Variants in AFF2 observed in about 807,000 individuals in gnomAD.
AFF2 encodes the protein AF4/FMR2 family member 2.
Under a neutral mutation model 76.9 loss-of-function variants are expected in AFF2, and 14 were observed. The ratio of observed to expected loss-of-function variants is 0.18; its 90% CI spans 0.12 to 0.28. The LOEUF is 0.28. Among genes scored for constraint, AFF2 ranks in the 10% least tolerant of loss-of-function variants. AFF2 has a pLI of 1.00. For missense variants in AFF2, 868 were observed against 1,001.1 expected, an observed-to-expected ratio of 0.87 and a Z score of 1.79; for synonymous variants, 398 against 366.7, an observed-to-expected ratio of 1.09 and a Z score of -0.98.
chrX:148,940,747 C>T (rs982598705), intron 9 of AFF2, among the ~76,000 whole-genome samples: 4 of 111,725 alleles, frequency 3.6e-5, no homozygotes, highest in African/African-American at 1.3e-4. Context: ...GTAAGGCTGC[C>T]TGTCCTCAGC....
At chrX:148,831,030 G>T (rs2070447993) in intron 4 of AFF2, among the ~76,000 whole-genome samples, 1 of 112,298 alleles carries the variant, frequency 8.9e-6, no homozygotes. Context: ...CTGAGAAAAA[G>T]AATTCAGTGA....
At chrX:148,853,239 A>G (rs1321275513) in intron 7 of AFF2, among the ~76,000 whole-genome samples, 1 of 111,543 alleles carries the variant, frequency 9.0e-6, no homozygotes, top group Non-Finnish European at 1.9e-5. Flanking sequence ...ATAACACATA[A>G]TATATATTGT....
chrX:148,573,957 C>T (rs1327643226), intron 1 of AFF2, among the ~76,000 whole-genome samples: 3 of 110,731 alleles, frequency 2.7e-5, no homozygotes, highest in Non-Finnish European at 5.7e-5. Context: ...TGGATTTTTT[C>T]ACCCTTAGCA....
intron 3 of AFF2, among the ~76,000 whole-genome samples, chrX:148,701,011 AAT>A (rs1491397604): frequency 0.086 from 5,238 of 60,634 alleles, 145 homozygotes; most frequent in African/African-American, 0.13. Flanking sequence ...AGAGAGAGAG[AAT>A]GTGTGTGTGT....
At chrX:148,779,131 G>C (rs2124609564) in intron 3 of AFF2, among the ~76,000 whole-genome samples, 1 of 111,966 alleles carries the variant, frequency 8.9e-6, no homozygotes, top group East Asian at 2.8e-4. Context: ...AGGTTGTTCA[G>C]TTTCCATGTA....
At position 148,500,648 on chromosome X, in the gene AFF2, CCG is replaced by C. The variant is rs2052329306; in HGVS notation, c.-448_-447del. On this transcript the variant is annotated 5_prime_UTR_variant, in exon 1 of 21. Coordinates refer to ENST00000370460, the MANE Select transcript of AFF2 (RefSeq NM_002025.4). ...GCCTGTGCAGCCGCTGCCGCCGCCG[CCG>C]CCGCCGCCGCCGCCGCCGCCGCCGC... 3.3e-5 allele frequency: 3 copies of C among 90,786 alleles called. No homozygotes were observed. Among genetic ancestry groups the C allele is most frequent in the Non-Finnish European group, 6.6e-5 (3 of 45,693 alleles). The allele number at this position is 90,786 out of a possible 1,213,427, so 7.5% of individuals were successfully genotyped here. A position where few individuals can be genotyped will look rare whatever the true frequency, so the allele number is the denominator to read the frequency against.
chrX:148,626,370 G>T (rs1569552330), intron 1 of AFF2, among the ~76,000 whole-genome samples: 1 of 110,154 alleles, frequency 9.1e-6, no homozygotes, highest in East Asian at 2.9e-4. Context: ...ACCATATTTG[G>T]CAAGAATGTA....
chrX:148,619,701 C>T (rs782537775), intron 1 of AFF2, among the ~76,000 whole-genome samples: 89 of 111,738 alleles, frequency 8.0e-4, no homozygotes, highest in African/African-American at 2.6e-3. Context: ...TATCTGAACT[C>T]CCAGTTGCAT....
At chrX:148,953,167 G>A (rs1015618422) in intron 9 of AFF2, among the ~76,000 whole-genome samples, 2 of 111,713 alleles carry the variant, frequency 1.8e-5, no homozygotes, top group African/African-American at 6.5e-5. Context: ...GCCCCTTGAC[G>A]AACCTGTGGG....
At position 148,730,012 on chromosome X, in the gene AFF2, A is replaced by G. The variant is rs900799975; in HGVS notation, c.1041+67244A>G. Among the ~76,000 whole-genome samples the G allele has an allele frequency of 8.0e-5, 9 of 111,866 alleles. No individual in the cohort carries two copies. The East Asian group carries it at 2.0e-3, about 25-fold the overall frequency. Reference sequence around the variant, plus strand: ...GTGTGAGTGGTAGCATATCTGTGGCATGCAATAATCATTAATAAGATTTCT... The same window carrying G: ...GTGTGAGTGGTAGCATATCTGTGGCGTGCAATAATCATTAATAAGATTTCT... On this transcript the variant is annotated intron_variant, in intron 3 of 20. Transcript: ENST00000370460.
intron 9 of AFF2, among the ~76,000 whole-genome samples, chrX:148,906,601 G>C (rs1164960949): frequency 1.8e-5 from 2 of 112,087 alleles, no homozygotes; most frequent in East Asian, 5.6e-4. Context: ...GAGAGCACAG[G>C]GGGAGGGACA....
chrX:148,828,994 A>G (rs1183437258), intron 4 of AFF2, among the ~76,000 whole-genome samples: 1 of 112,067 alleles, frequency 8.9e-6, no homozygotes, highest in African/African-American at 3.2e-5. Context: ...GAAGGCAGCC[A>G]ATGTGAGCTG....
intron 9 of AFF2, among the ~76,000 whole-genome samples, chrX:148,930,853 G>A (rs2071703552): frequency 8.9e-6 from 1 of 112,144 alleles, no homozygotes; most frequent in African/African-American, 3.2e-5. Flanking sequence ...ATAGAGTCTT[G>A]GGATGAGTGA....
intron 1 of AFF2, among the ~76,000 whole-genome samples, chrX:148,626,280 G>A (rs943094387): frequency 2.2e-4 from 24 of 109,819 alleles, no homozygotes; most frequent in Non-Finnish European, 4.4e-4. Context: ...CTGCTTGCCA[G>A]CTTGCACCCA....
chrX:148,684,065 A>C (rs1006013522), intron 3 of AFF2, among the ~76,000 whole-genome samples: 1 of 111,873 alleles, frequency 8.9e-6, no homozygotes, highest in Non-Finnish European at 1.9e-5. Context: ...TAAATGAATT[A>C]GATCTATGTA....
chrX:148,528,171 T>G (rs1182841308), intron 1 of AFF2, among the ~76,000 whole-genome samples: 1 of 111,992 alleles, frequency 8.9e-6, no homozygotes, highest in African/African-American at 3.2e-5. Flanking sequence ...TAAATTTACC[T>G]CTGGAAAAGA....
intron 1 of AFF2, among the ~76,000 whole-genome samples, chrX:148,607,006 A>C (rs1358948540): frequency 9.0e-6 from 1 of 111,496 alleles, no homozygotes; most frequent in Non-Finnish European, 1.9e-5. Flanking sequence ...AATTATAAGA[A>C]ATTGGCTTCG....
At chrX:148,960,069 G>C (rs782592702) in intron 12 of AFF2, among the ~76,000 whole-genome samples, 4 of 112,923 alleles carry the variant, frequency 3.5e-5, no homozygotes, top group Non-Finnish European at 7.5e-5. Context: ...CTCAGGGTTG[G>C]GGTCCACCCC....
chrX:148,854,805 A>C (rs112286004), intron 7 of AFF2, among the ~76,000 whole-genome samples: 2,268 of 111,595 alleles, frequency 0.02, 67 homozygotes, highest in African/African-American at 0.07. Flanking sequence ...CAAGCACATC[A>C]CGGTGTGTCT....
Sources: allele counts gnomAD v4.1 joint callset (sites outside exome capture counted in the v4.1 genomes callset), GRCh38; gene constraint gnomAD v4.1.1; transcripts MANE v1.5; gene names NCBI Gene and HGNC (gene_info 2026-07-23, HGNC 2026-07-21).